GABRA3: variants seen among roughly 807,000 people sequenced by gnomAD.
GABRA3 encodes gamma-aminobutyric acid receptor subunit alpha-3.
In GABRA3, 10 loss-of-function variants were observed where a neutral mutation model predicts 30.1. That is an observed-to-expected ratio of 0.33 (90% CI 0.20 to 0.56). The LOEUF (loss-of-function observed/expected upper bound fraction) is 0.56. Among genes scored for constraint, GABRA3 ranks in the 20% least tolerant of loss-of-function variants. GABRA3 has a pLI of 0.89. For missense variants in GABRA3, 233 were observed against 392.0 expected (o/e 0.59, Z 3.42); for synonymous variants, 151 against 146.8 (o/e 1.03, Z -0.21).
At chrX:152,284,759 C>T (rs1159038430) in intron 3 of GABRA3, 24 bp from the exon 4 acceptor site, 2 of 1,103,423 alleles carry the variant, frequency 1.8e-6, no homozygotes, top group Non-Finnish European at 2.5e-6. Context: ...AGTAGAAAAG[C>T]AGAATGTCAG....
At chrX:152,353,898 C>A (rs1236409486) in intron 2 of GABRA3, among the ~76,000 whole-genome samples, 1 of 111,522 alleles carries the variant, frequency 9.0e-6, no homozygotes, top group Non-Finnish European at 1.9e-5. Context: ...TTGATTGTGG[C>A]CTCACATGTC....
intron 7 of GABRA3, among the ~76,000 whole-genome samples, chrX:152,199,208 T>C (rs1408032646): frequency 2.8e-5 from 3 of 106,835 alleles, no homozygotes; most frequent in Non-Finnish European, 3.9e-5. Context: ...CTACTAAAAA[T>C]ACAAAATATT....
chrX:152,174,811 C>T (rs1937051681), intron 9 of GABRA3, among the ~76,000 whole-genome samples: 1 of 111,880 alleles, frequency 8.9e-6, no homozygotes, highest in Non-Finnish European at 1.9e-5. Flanking sequence ...TCCCATTTTT[C>T]AATTTTGGCT....
intron 3 of GABRA3, among the ~76,000 whole-genome samples, chrX:152,320,374 T>C (rs776623155): frequency 4.3e-4 from 48 of 111,886 alleles, no homozygotes; most frequent in Non-Finnish European, 8.8e-4. Context: ...ATACATATAC[T>C]ATGGAATACT....
intron 8 of GABRA3, among the ~76,000 whole-genome samples, chrX:152,196,672 C>T (rs1036488730): frequency 4.5e-5 from 5 of 111,657 alleles, no homozygotes; most frequent in Admixed American, 9.5e-5. Flanking sequence ...CAGTTTCTGT[C>T]TGCATCTCAT....
chrX:152,175,969 C>T (rs1937069930), intron 9 of GABRA3, among the ~76,000 whole-genome samples: 1 of 109,652 alleles, frequency 9.1e-6, no homozygotes, highest in Non-Finnish European at 1.9e-5. Flanking sequence ...GAAGCTGAGG[C>T]AGAAGAATCG....
At chrX:152,327,170 C>T (rs771799397) in intron 3 of GABRA3, among the ~76,000 whole-genome samples, 2 of 111,204 alleles carry the variant, frequency 1.8e-5, no homozygotes, top group South Asian at 7.6e-4. Flanking sequence ...AATATATATG[C>T]ACCCAATACA....
At chrX:152,376,463 T>C (rs1694525623) in intron 1 of GABRA3, among the ~76,000 whole-genome samples, 1 of 111,110 alleles carries the variant, frequency 9.0e-6, no homozygotes, top group Admixed American at 9.6e-5. Flanking sequence ...GAACCTTCCC[T>C]ATCTTAGGAT....
chrX:152,330,876 T>C (rs1291430173), intron 3 of GABRA3, among the ~76,000 whole-genome samples: 2 of 111,626 alleles, frequency 1.8e-5, no homozygotes, highest in Admixed American at 1.9e-4. Context: ...TTCCTATGTA[T>C]TCATAATTAA....
intron 3 of GABRA3, among the ~76,000 whole-genome samples, chrX:152,327,243 A>T (rs1412699057): frequency 9.0e-6 from 1 of 110,955 alleles, no homozygotes; most frequent in African/African-American, 3.3e-5. Flanking sequence ...CTCCCACACA[A>T]TAATAATGGG....
chrX:152,367,884 C>T (rs1382334274), intron 1 of GABRA3, among the ~76,000 whole-genome samples: 2 of 112,096 alleles, frequency 1.8e-5, no homozygotes, highest in African/African-American at 3.2e-5. Context: ...TCAAACCACA[C>T]ATCTGATCTA....
intron 3 of GABRA3, among the ~76,000 whole-genome samples, chrX:152,300,421 A>G (rs1426983210): frequency 1.8e-5 from 2 of 110,430 alleles, no homozygotes; most frequent in South Asian, 3.8e-4. Flanking sequence ...GAAAAAAAAA[A>G]TCAACATTCT....
intron 1 of GABRA3, among the ~76,000 whole-genome samples, chrX:152,433,801 AG>A (rs1466192225): frequency 1.8e-5 from 2 of 110,781 alleles, no homozygotes; most frequent in African/African-American, 3.3e-5. Flanking sequence ...AGAAAAAAAA[AG>A]AAAACAAAAA....
intron 4 of GABRA3, among the ~76,000 whole-genome samples, chrX:152,272,411 AT>A (rs1268113636): frequency 1.8e-5 from 2 of 112,138 alleles, no homozygotes; most frequent in East Asian, 5.7e-4. Context: ...AATTTGGCCA[AT>A]TTCTCCCCTT....
intron 4 of GABRA3, among the ~76,000 whole-genome samples, chrX:152,270,724 A>T (rs1176258958): frequency 9.1e-6 from 1 of 109,852 alleles, no homozygotes; most frequent in African/African-American, 3.3e-5. Context: ...GCACGGTGGC[A>T]TATGCCTGTC....
At chrX:152,197,916 T>C (rs979922425) in intron 7 of GABRA3, 131 bp from the exon 8 acceptor site, 1 of 454,162 alleles carries the variant, frequency 2.2e-6, no homozygotes, top group African/African-American at 2.5e-5. Flanking sequence ...TTCATATAAC[T>C]AGAGCCCTTT....
intron 5 of GABRA3, among the ~76,000 whole-genome samples, chrX:152,225,404 GCA>G (rs1179857954): frequency 2.3e-4 from 17 of 74,703 alleles, no homozygotes; most frequent in Admixed American, 3.5e-4. Context: ...CCACACACAC[GCA>G]CACACACACA....
intron 3 of GABRA3, among the ~76,000 whole-genome samples, chrX:152,312,205 C>T (rs562736864): frequency 9.0e-6 from 1 of 111,513 alleles, no homozygotes. Context: ...AGAACAAAGC[C>T]GGAGGCATCA....
chrX:152,399,552 T>C (rs180836891), intron 1 of GABRA3, among the ~76,000 whole-genome samples: 216 of 111,366 alleles, frequency 1.9e-3, no homozygotes, highest in African/African-American at 6.5e-3. Context: ...GGAGAGTGGA[T>C]AGAAATAAAA....
Sources: gnomAD v4.1 joint callset for allele counts (sites outside exome capture counted in the v4.1 genomes callset) on GRCh38, gnomAD v4.1.1 for gene constraint, MANE v1.5 for transcripts, NCBI Gene and HGNC (gene_info 2026-07-23, HGNC 2026-07-21) for gene names.